COL3A1: variants seen among roughly 807,000 people sequenced by gnomAD.
COL3A1 encodes collagen type III alpha 1 chain.
Under a neutral mutation model 200.9 loss-of-function variants are expected in COL3A1, and 46 were observed. The ratio of observed to expected loss-of-function variants is 0.23; its 90% CI spans 0.18 to 0.29. The LOEUF (loss-of-function observed/expected upper bound fraction) is 0.29. COL3A1 is among the 10% of genes least tolerant of loss of function. The pLI is 1.00. For missense variants in COL3A1, 1,367 were observed against 1,917.6 expected, an observed-to-expected ratio of 0.71 and a Z score of 5.36; for synonymous variants, 650 against 628.0, an observed-to-expected ratio of 1.03 and a Z score of -0.52.
Position 188,998,680 on chromosome 2 carries a change from A to C in COL3A1, c.1984A>C (p.Lys662Gln). Residue 662 changes from lysine to glutamine, a missense_variant, in exon 29 of 51, where the codon AAG (lysine) becomes CAG (glutamine). By Grantham distance (53) the Lys-to-Gln change is moderately conservative. This residue lies in a region of COL3A1 where 846 missense variants were observed against 1,147.9 expected (regional missense o/e 0.74). Transcript: ENST00000304636. ...ENGKPGEPGPKGDAGAPGAPG... is the reference protein window; with the variant it reads ...ENGKPGEPGPQGDAGAPGAPG... ...TATAATGCCAATCTCCCAGGGTCCA[A>C]AGGGTGATGCCGGTGCACCTGGAGC... 2 of 1,613,912 alleles carry C rather than the reference A, an allele frequency of 1.2e-6. No homozygotes were observed. The highest frequency in any genetic ancestry group is 1.7e-6 in the Non-Finnish European group (2 of 1,179,886).
chr2:188,993,085 T>C (rs1342043050), intron 15 of COL3A1, 145 bp downstream of exon 15: 2 of 788,370 alleles, frequency 2.5e-6, no homozygotes, highest in East Asian at 2.6e-5. Flanking sequence ...TTCTTGATTC[T>C]AAAAGAGGTG....
At chr2:189,002,186 T>C in intron 34 of COL3A1, 112 bp from the exon 35 acceptor site, 1 of 889,386 alleles carries the variant, frequency 1.1e-6, no homozygotes, top group South Asian at 1.4e-5. Flanking sequence ...TTGGCTACTC[T>C]GCACATTTCC....
chr2:189,003,852 A>G, intron 38 of COL3A1, 65 bp downstream of exon 38: 1 of 1,588,502 alleles, frequency 6.3e-7, no homozygotes, highest in South Asian at 1.1e-5. Context: ...TATGTATAGG[A>G]TGAGAAACTT....
intron 45 of COL3A1, 108 bp downstream of exon 45, chr2:189,007,715 A>G (rs1576472689): frequency 8.0e-7 from 1 of 1,246,766 alleles, no homozygotes; most frequent in Non-Finnish European, 1.2e-6. Context: ...GAGATGAGAA[A>G]TGGATTTGAA....
At position 189,010,816 on chromosome 2, in the gene COL3A1, G is replaced by T; in HGVS notation, c.4180G>T (p.Gly1394Trp). Residue 1394 changes from glycine to tryptophan, a missense_variant, in exon 50 of 51, where the codon GGG (glycine) becomes TGG (tryptophan). By Grantham distance (184) the Gly-to-Trp change is radical (BLOSUM62 -2). Around this residue, in one of 5 missense-constraint regions of COL3A1, gnomAD observed 846 missense variants for 1,147.9 expected, o/e 0.74. Transcript: ENST00000304636. ...TGTAAAGAAGGCCCTGAAGCTGATG[G>T]GGTCAAATGAAGGTGAATTCAAGGC... is the stretch of plus-strand genomic sequence containing the variant. ...GNVKKALKLM[G>W]SNEGEFKAEG... 1.9e-6 allele frequency: 3 copies of T among 1,614,108 alleles called. No homozygotes were observed. Among genetic ancestry groups the T allele is most frequent in the Non-Finnish European group, 2.5e-6 (3 of 1,179,984 alleles).
At chr2:189,000,299 A>G (rs1003074405) in intron 32 of COL3A1, among the ~76,000 whole-genome samples, 1 of 152,236 alleles carries the variant, frequency 6.6e-6, no homozygotes, top group Non-Finnish European at 1.5e-5. Context: ...GGAATGAACA[A>G]TTGATGCTGT....
At position 188,994,440 on chromosome 2, in the gene COL3A1, T is replaced by G; in HGVS notation, c.1294-101T>G. 6.4e-7 allele frequency: 1 copy of G among 1,564,474 alleles called. No homozygotes were observed. Among genetic ancestry groups the G allele is most frequent in the Non-Finnish European group, 8.8e-7 (1 of 1,136,524 alleles). ...CTGTTCAGTTGAATTTATATTGACT[T>G]CACTCTTGTCTTATAACTTATAACT... On this transcript the variant is annotated intron_variant, in intron 18 of 50. Transcript: ENST00000304636. This position sits in a 1 kb window ranked among gnomAD's most constrained non-coding sequence, Gnocchi z 4.5.
At position 188,995,722 on chromosome 2, in the gene COL3A1, C is replaced by T. The variant is rs1234299141; in HGVS notation, c.1540C>T (p.Pro514Ser). Residue 514 changes from proline (P) to serine (S), a missense_variant, in exon 22 of 51, where the codon CCT becomes TCT. Pro to Ser is a moderately conservative substitution (Grantham distance 74, BLOSUM62 -1). This residue lies in a region of COL3A1 where 462 missense variants were observed against 681.4 expected (regional missense o/e 0.68). Coordinates refer to ENST00000304636, the MANE Select transcript of COL3A1 (RefSeq NM_000090.4). Reference sequence around the variant, plus strand: ...TGCTGGAGAGCGTGGTGCTCCAGGCCCTGCAGGGCCCAGAGGAGCTGCTGG... The same window carrying T: ...TGCTGGAGAGCGTGGTGCTCCAGGCTCTGCAGGGCCCAGAGGAGCTGCTGG... ...GPAGERGAPG[P>S]AGPRGAAGEP... The T allele has an allele frequency of 6.4e-7, 1 of 1,562,374 alleles. No homozygotes were observed. The highest frequency in any genetic ancestry group is 1.9e-5 in the Admixed American group (1 of 52,742).
chr2:189,001,495 C>T (rs936987276), intron 33 of COL3A1, 41 bp from the exon 34 acceptor site: 8 of 1,613,934 alleles, frequency 5.0e-6, no homozygotes, highest in Non-Finnish European at 6.8e-6. Flanking sequence ...ATGTCTCTCT[C>T]TTTTGGATGC....
intron 48 of COL3A1, 61 bp from the exon 49 acceptor site, chr2:189,010,117 A>G: frequency 6.4e-7 from 1 of 1,555,174 alleles, no homozygotes; most frequent in Non-Finnish European, 8.9e-7. Context: ...AGGTAAACAA[A>G]CAAAATCACT....
intron 48 of COL3A1, among the ~76,000 whole-genome samples, chr2:189,009,552 T>C (rs1318884359): frequency 1.3e-5 from 2 of 152,196 alleles, no homozygotes; most frequent in African/African-American, 4.8e-5. Context: ...ATAATCTGAT[T>C]ATTGTAATAT....
chr2:189,009,251 C>T (rs1688667371), intron 48 of COL3A1, 30 bp downstream of exon 48: 1 of 1,612,584 alleles, frequency 6.2e-7, no homozygotes, highest in African/African-American at 1.3e-5. Flanking sequence ...ATCTTCATGG[C>T]AATAGGATTA....
intron 1 of COL3A1, among the ~76,000 whole-genome samples, chr2:188,977,757 A>T (rs1687852992): frequency 6.6e-6 from 1 of 152,110 alleles, no homozygotes; most frequent in East Asian, 1.9e-4. Flanking sequence ...ACTATTTGTC[A>T]TTGAAAGGAG....
In COL3A1 at chr2:189,003,411, G is replaced by A. The variant is rs587779690; in HGVS notation, c.2554G>A (p.Gly852Ser). ...CATAATTTCCTTCCATTTCATATAG[G>A]GTCCTCCTGGTCCCCAAGGTGTCAA... ...AGPPGGSGPA[G>S]PPGPQGVKGE... The change falls in exon 37 of 51, where the codon GGT becomes AGT. Residue 852 changes from glycine (G) to serine (S), a missense_variant and splice_region_variant. Physicochemically the swap from Gly to Ser is moderately conservative, Grantham distance 56. Transcript: ENST00000304636. 1 of 1,613,596 alleles carries A rather than the reference G, an allele frequency of 6.2e-7. No homozygotes were observed. Among genetic ancestry groups the A allele is most frequent in the Admixed American group, 1.7e-5 (1 of 59,982 alleles).
At chr2:188,999,963 C>T (rs1688420891) in intron 32 of COL3A1, 68 bp downstream of exon 32, 6 of 1,496,428 alleles carry the variant, frequency 4.0e-6, no homozygotes, top group South Asian at 1.2e-5. Context: ...TGCACTTCAA[C>T]TTTAATTTTT....
Position 189,011,636 on chromosome 2 carries a change from T to G in COL3A1, c.4263T>G (p.Thr1421=). 1 of 1,613,964 alleles carries G rather than the reference T, an allele frequency of 6.2e-7. No homozygotes were observed. Among genetic ancestry groups the G allele is most frequent in the Non-Finnish European group, 8.5e-7 (1 of 1,179,872 alleles). The part of the protein sequence containing the change: ...TVLEDGCTKH[T]GEWSKTVFEY... The stretch of plus-strand genomic sequence containing the variant: ...TTTGTCCTTTTTTACAGAAACACAC[T>G]GGGGAATGGAGCAAAACAGTCTTTG... The change falls in exon 51 of 51, where the codon ACT becomes ACG. Residue 1421 remains threonine, a synonymous_variant. Transcript: ENST00000304636.
intron 6 of COL3A1, 71 bp from the exon 7 acceptor site, chr2:188,988,519 A>G: frequency 9.4e-7 from 1 of 1,068,976 alleles, no homozygotes; most frequent in Non-Finnish European, 1.4e-6. Context: ...CTGATTTCTT[A>G]CTGTCAAGAT....
chr2:188,990,464 CAATT>C (rs1576463351), intron 10 of COL3A1, 104 bp downstream of exon 10: 1 of 928,618 alleles, frequency 1.1e-6, no homozygotes, highest in East Asian at 2.6e-5. Flanking sequence ...ATGATTCTGA[CAATT>C]AATTAATTTG....
At chr2:188,992,040 G>T in intron 13 of COL3A1, 144 bp from the exon 14 acceptor site, 1 of 798,380 alleles carries the variant, frequency 1.3e-6, no homozygotes, top group South Asian at 1.4e-5. Context: ...TGTAATAATT[G>T]ACTTTAAAAT....
Sources: gnomAD v4.1 joint callset for allele counts (sites outside exome capture counted in the v4.1 genomes callset) on GRCh38, gnomAD v4.1.1 for gene constraint, gnomAD v4.1.1 regional missense constraint, Gnocchi (gnomAD v3.1) non-coding constraint, MANE v1.5 for transcripts, NCBI Gene and HGNC (gene_info 2026-07-23, HGNC 2026-07-21) for gene names.